RAN: variants seen among roughly 807,000 people sequenced by gnomAD.
RAN encodes the protein RAN, member RAS oncogene family.
A neutral mutation model predicts 26.8 loss-of-function variants in RAN; 2 were observed. The observed-to-expected ratio is 0.07, with a 90% CI of 0.03 to 0.23. The LOEUF is 0.23. Among genes scored for constraint, RAN ranks in the 10% least tolerant of loss-of-function variants. The pLI, the probability that RAN is intolerant of heterozygous loss-of-function variation, is 1.00. For synonymous variants in RAN, 132 were observed against 95.9 expected, an observed-to-expected ratio of 1.38 and a Z score of -2.20; for missense variants, 56 against 264.8, an observed-to-expected ratio of 0.21 and a Z score of 5.47.
At chr12:130,874,055 C>T in intron 4 of RAN, 1 of 369,998 alleles carries the variant, frequency 2.7e-6, no homozygotes, top group Non-Finnish European at 5.5e-6. Flanking sequence ...CACCATGTTG[C>T]CCATGCTGGT....
intron 5 of RAN, among the ~76,000 whole-genome samples, chr12:130,875,285 G>A (rs965545051): frequency 1.3e-5 from 2 of 152,192 alleles, no homozygotes; most frequent in Non-Finnish European, 2.9e-5. Context: ...GCAGTGGCAT[G>A]AACATAGCTC....
intron 1 of RAN, 111 bp from the exon 2 acceptor site, chr12:130,872,473 G>C (rs1275218573): frequency 1.2e-5 from 8 of 683,458 alleles, no homozygotes; most frequent in Non-Finnish European, 1.6e-5. Flanking sequence ...ATGGCGCCGC[G>C]GGCGGGAGGC....
intron 3 of RAN, 30 bp from the exon 4 acceptor site, chr12:130,872,973 A>G: frequency 6.2e-7 from 1 of 1,614,232 alleles, no homozygotes; most frequent in Non-Finnish European, 8.5e-7. Flanking sequence ...GGGTAAGTTC[A>G]TCCACTCAAT....
chr12:130,874,038 G>A (rs1174925135), intron 4 of RAN: 2 of 385,758 alleles, frequency 5.2e-6, no homozygotes, highest in African/African-American at 2.1e-5. Context: ...TTGTAGAGAT[G>A]GGGATTCACC....
In RAN at chr12:130,873,259, G is replaced by A. The variant is rs189278060; in HGVS notation, c.247+131G>A. 192 of 1,272,536 alleles carry A rather than the reference G, an allele frequency of 1.5e-4. No individual in the cohort carries two copies. The African/African-American group carries it at 2.8e-3, about 18-fold the overall frequency. 78.8% of individuals were successfully genotyped at this position (1,272,536 alleles called of 1,614,324 possible). A position where few individuals can be genotyped will look rare whatever the true frequency, so the allele number is the denominator to read the frequency against. On this transcript the variant is annotated intron_variant, in intron 4 of 6. Coordinates refer to ENST00000543796, the MANE Select transcript of RAN (RefSeq NM_006325.5). ...GTTAAAAAAAGACAAGTGGACTTCG[G>A]GGAGTTGACCACCATTTTGGTGGCA...
intron 4 of RAN, chr12:130,873,713 A>G (rs1011469303): frequency 6.3e-5 from 10 of 159,816 alleles, no homozygotes; most frequent in African/African-American, 2.2e-4. Flanking sequence ...CATTATCTGG[A>G]ATCATTCCAT....
At chr12:130,872,466 G>A in intron 1 of RAN, 118 bp from the exon 2 acceptor site, 1 of 604,554 alleles carries the variant, frequency 1.7e-6, no homozygotes, top group Non-Finnish European at 2.2e-6. Context: ...GGCCGCCATG[G>A]CGCCGCGGGC....
rs1565954536 is a variant in RAN, at chr12:130,872,992, T to C, written c.122-11T>C. On this transcript the variant is annotated splice_polypyrimidine_tract_variant and intron_variant, in intron 3 of 6. Transcript: ENST00000543796. ...AAGTTCATCCACTCAATCGCATCGT[T>C]TCCGTTTCAGCCACCTTGGGTGTTG... is the stretch of plus-strand genomic sequence containing the variant. 3.7e-5 allele frequency: 60 copies of C among 1,614,100 alleles called. No individual in the cohort carries two copies. The highest frequency in any genetic ancestry group is 4.7e-5 in the Non-Finnish European group (55 of 1,180,036).
intron 4 of RAN, chr12:130,874,254 T>G: frequency 3.1e-6 from 1 of 322,984 alleles, no homozygotes; most frequent in Non-Finnish European, 5.7e-6. Context: ...TATGGCAGCT[T>G]GGTTATCCAG....
chr12:130,874,007 C>G (rs7136324), intron 4 of RAN: 1 of 383,122 alleles, frequency 2.6e-6, no homozygotes, highest in African/African-American at 2.1e-5. Context: ...GCCACTATGC[C>G]TGACTAATTT....
intron 4 of RAN, chr12:130,874,341 A>G (rs897018371): frequency 2.0e-6 from 1 of 497,148 alleles, no homozygotes; most frequent in Non-Finnish European, 3.5e-6. Flanking sequence ...TATCAGGGAG[A>G]TTTGATAGGG....
At chr12:130,875,118 G>A (rs566777804) in intron 5 of RAN, among the ~76,000 whole-genome samples, 1 of 152,150 alleles carries the variant, frequency 6.6e-6, no homozygotes, top group African/African-American at 2.4e-5. Context: ...GAGCCACTGT[G>A]CCCGGCCGGA....
At chr12:130,873,821 T>G (rs1189145675) in intron 4 of RAN, 1 of 163,036 alleles carries the variant, frequency 6.1e-6, no homozygotes, top group East Asian at 1.9e-4. Context: ...TTGCTAACTG[T>G]ACCATAGTTA....
At chr12:130,872,470 C>T (rs1252362013) in intron 1 of RAN, 114 bp from the exon 2 acceptor site, 1 of 654,276 alleles carries the variant, frequency 1.5e-6, no homozygotes, top group Non-Finnish European at 2.0e-6. Flanking sequence ...GCCATGGCGC[C>T]GCGGGCGGGA....
At chr12:130,874,419 A>AG in intron 4 of RAN, 127 bp from the exon 5 acceptor site, 2 of 656,590 alleles carry the variant, frequency 3.0e-6, no homozygotes, top group South Asian at 4.6e-5. Flanking sequence ...CTTGAAAGTG[A>AG]GGGGAGAGAT....
intron 5 of RAN, among the ~76,000 whole-genome samples, chr12:130,875,037 G>T (rs111253332): frequency 6.6e-6 from 1 of 152,080 alleles, no homozygotes; most frequent in African/African-American, 2.4e-5. Context: ...TGTTGGTCAG[G>T]CTGATCTCCA....
chr12:130,872,967 A>G (rs2136401130), intron 3 of RAN, 36 bp from the exon 4 acceptor site: 3 of 1,614,178 alleles, frequency 1.9e-6, no homozygotes, highest in Non-Finnish European at 2.5e-6. Context: ...AGAAATGGGT[A>G]AGTTCATCCA....
intron 4 of RAN, chr12:130,873,371 A>G: frequency 6.7e-6 from 3 of 448,270 alleles, no homozygotes; most frequent in East Asian, 9.0e-5. Context: ...ACTGGGACTT[A>G]TAAGTCATAT....
rs984821575 is a variant in RAN at position 130,874,487 on chromosome 12, T to C, written c.248-59T>C. 31 of 1,368,694 alleles carry C rather than the reference T, an allele frequency of 2.3e-5. No individual in the cohort carries two copies. The South Asian group carries it at 4.2e-4, about 18-fold the overall frequency. 84.8% of individuals were successfully genotyped at this position (1,368,694 alleles called of 1,614,324 possible). ...TAGTTGAATCCTAGTCTCTGGTTCT[T>C]AGCATTCTTCACTTGTGCAGTAAAC... On this transcript the variant is annotated intron_variant, in intron 4 of 6. Transcript: ENST00000543796.
Sources: allele counts gnomAD v4.1 joint callset (sites outside exome capture counted in the v4.1 genomes callset), GRCh38; gene constraint gnomAD v4.1.1; transcripts MANE v1.5; gene names NCBI Gene and HGNC (gene_info 2026-07-23, HGNC 2026-07-21).